The following FBLN5 variants were observed in gnomAD, a reference collection of about 807,000 sequenced individuals.
The protein encoded by FBLN5 is fibulin-5.
In FBLN5, 24 loss-of-function variants were observed where a neutral mutation model predicts 61.6. The ratio of observed to expected loss-of-function variants is 0.39; its 90% CI spans 0.28 to 0.55. The LOEUF (loss-of-function observed/expected upper bound fraction) is 0.55, where lower values mean the gene tolerates loss of function less well. Ranked by LOEUF, FBLN5 falls within the 20% of genes least tolerant of loss-of-function variation. FBLN5 has a pLI of 0.65. For missense variants in FBLN5, 470 were observed against 594.1 expected (o/e 0.79, Z 2.17); for synonymous variants, 213 against 219.8 (o/e 0.97, Z 0.27).
At chr14:91,946,859 C>G (rs2056193357) in intron 1 of FBLN5, 11 of 1,504,126 alleles carry the variant, frequency 7.3e-6, no homozygotes, top group Non-Finnish European at 9.7e-6. Context: ...TGCTAGTGAA[C>G]TAGTAATTGG....
intron 2 of FBLN5, among the ~76,000 whole-genome samples, chr14:91,942,345 G>C (rs74071641): frequency 0.014 from 2,110 of 152,328 alleles, 35 homozygotes; most frequent in South Asian, 0.046. Flanking sequence ...GGATGTTTGG[G>C]TAACACCCAC....
chr14:91,870,374 G>A lies in FBLN5; in HGVS notation c.1197C>T (p.Pro399=). Residue 399 remains proline, a synonymous_variant, in exon 11 of 11, where the codon CCC becomes CCT. Transcript: ENST00000342058. ...GTGTCATCACCAGGGTGGCACTGAT[G>A]GGGCCCGTTTGCTATGGACAGAACC... ...GREFYMRQTG[P]ISATLVMTRP... is the part of the protein sequence containing the mutation. The A allele has an allele frequency of 6.2e-7, 1 of 1,613,894 alleles. No homozygotes were observed. The highest frequency in any genetic ancestry group is 8.5e-7 in the Non-Finnish European group (1 of 1,180,032).
intron 4 of FBLN5, among the ~76,000 whole-genome samples, chr14:91,923,427 C>A (rs1566822045): frequency 1.3e-5 from 2 of 152,220 alleles, no homozygotes; most frequent in Non-Finnish European, 2.9e-5. Flanking sequence ...TGTGTCCATG[C>A]TGCAGCCACA....
intron 2 of FBLN5, among the ~76,000 whole-genome samples, chr14:91,941,727 A>G (rs2056107603): frequency 6.6e-6 from 1 of 152,112 alleles, no homozygotes; most frequent in Non-Finnish European, 1.5e-5. Context: ...TTCTCACTCT[A>G]GCCCCTACTC....
chr14:91,935,035 T>C (rs1346915199), intron 4 of FBLN5, among the ~76,000 whole-genome samples: 1 of 152,232 alleles, frequency 6.6e-6, no homozygotes, highest in Non-Finnish European at 1.5e-5. Context: ...TCAGGACTTA[T>C]GAATGCATAA....
At chr14:91,941,936 G>T (rs1377220149) in intron 2 of FBLN5, 2 of 346,460 alleles carry the variant, frequency 5.8e-6, no homozygotes, top group Non-Finnish European at 1.1e-5. Flanking sequence ...AAAACCGCAA[G>T]GTCTAAAATT....
Position 91,943,001 on chromosome 14 carries a change from A to G in FBLN5, c.18-40T>C. 2 of 1,374,566 alleles carry G rather than the reference A, an allele frequency of 1.5e-6. No individual in the cohort carries two copies. Among genetic ancestry groups the G allele is most frequent in the Non-Finnish European group, 2.0e-6 (2 of 984,302 alleles). The allele number at this position is 1,374,566 out of a possible 1,614,324, so 85.1% of individuals were successfully genotyped here. A position where few individuals can be genotyped will look rare whatever the true frequency, so the allele number is the denominator to read the frequency against. ...AGTCAAATATAAATGCCCAAGACAG[A>G]TTCAGGTCTAGGGGAGTGTGGGTCG... On this transcript the variant is annotated intron_variant, in intron 1 of 10. Coordinates refer to ENST00000342058, the MANE Select transcript of FBLN5 (RefSeq NM_006329.4). This position sits in a 1 kb window ranked among gnomAD's most constrained non-coding sequence, Gnocchi z 4.0.
chr14:91,877,439 A>C, intron 10 of FBLN5, 48 bp downstream of exon 10: 4 of 1,465,422 alleles, frequency 2.7e-6, no homozygotes, highest in Non-Finnish European at 3.8e-6. Context: ...GAGAGACAGC[A>C]CAAGGCCACT....
intron 5 of FBLN5, among the ~76,000 whole-genome samples, chr14:91,894,697 G>C (rs1890146682): frequency 1.3e-5 from 2 of 152,188 alleles, no homozygotes; most frequent in Non-Finnish European, 2.9e-5. Context: ...ACTCCAGCCT[G>C]GGGGACAGTA....
intron 5 of FBLN5, among the ~76,000 whole-genome samples, chr14:91,891,570 C>A (rs1889999411): frequency 6.6e-6 from 1 of 152,166 alleles, no homozygotes; most frequent in Non-Finnish European, 1.5e-5. Context: ...CCATAAATAC[C>A]TGAACCTATC....
chr14:91,933,042 C>T (rs2055953290), intron 4 of FBLN5, among the ~76,000 whole-genome samples: 1 of 152,144 alleles, frequency 6.6e-6, no homozygotes, highest in Admixed American at 6.5e-5. Context: ...GTAGGGACTC[C>T]AATAACTAAT....
At chr14:91,919,250 G>T (rs985808811) in intron 4 of FBLN5, among the ~76,000 whole-genome samples, 2 of 151,100 alleles carry the variant, frequency 1.3e-5, no homozygotes, top group Non-Finnish European at 2.9e-5. Context: ...AAAATGATGT[G>T]AACTTGGGAG....
intron 4 of FBLN5, among the ~76,000 whole-genome samples, chr14:91,922,171 T>G (rs560139995): frequency 1.5e-3 from 222 of 152,058 alleles, no homozygotes; most frequent in African/African-American, 5.2e-3. Context: ...CAGGTGCCTG[T>G]AATCCCAGTT....
intron 4 of FBLN5, among the ~76,000 whole-genome samples, chr14:91,910,474 C>T (rs569964500): frequency 7.9e-5 from 12 of 152,276 alleles, no homozygotes; most frequent in South Asian, 2.1e-4. Flanking sequence ...CACACTACCG[C>T]GCTGTGCACT....
intron 6 of FBLN5, among the ~76,000 whole-genome samples, chr14:91,889,922 G>A (rs558199949): frequency 3.3e-5 from 5 of 152,352 alleles, no homozygotes; most frequent in Admixed American, 2.6e-4. Flanking sequence ...CTATGCCTCA[G>A]GAGGTACTGG....
At chr14:91,925,623 T>G (rs1252060328) in intron 4 of FBLN5, among the ~76,000 whole-genome samples, 6 of 152,166 alleles carry the variant, frequency 3.9e-5, no homozygotes, top group Non-Finnish European at 1.5e-5. Context: ...AAAACAAAGC[T>G]GTGGCTTCAA....
Position 91,940,607 on chromosome 14 carries a change from T to G in FBLN5, c.82A>C (p.Thr28Pro), listed in dbSNP as rs1174828487. The change falls in exon 3 of 11, where the codon ACG becomes CCG. Residue 28 changes from threonine (T) to proline (P), a missense_variant. Coordinates refer to ENST00000342058, the MANE Select transcript of FBLN5 (RefSeq NM_006329.4). ...PSPGNAQAQC[T>P]NGFDLDRQSG... ...TGGCGATCCAGGTCAAAGCCATTCG[T>G]GCACTGTGCCTGCAGGGAAGGAGAG... 1.9e-6 allele frequency: 3 copies of G among 1,614,070 alleles called. No homozygotes were observed. Among genetic ancestry groups the G allele is most frequent in the Non-Finnish European group, 2.5e-6 (3 of 1,179,952 alleles).
chr14:91,871,240 G>T (rs1423954955), intron 10 of FBLN5, among the ~76,000 whole-genome samples: 1 of 103,998 alleles, frequency 9.6e-6, no homozygotes, highest in Non-Finnish European at 2.2e-5. Flanking sequence ...AAAAAAAAAG[G>T]CATCAAAGGC....
At chr14:91,898,628 G>C (rs1025691884) in intron 4 of FBLN5, among the ~76,000 whole-genome samples, 15 of 152,156 alleles carry the variant, frequency 9.9e-5, no homozygotes, top group African/African-American at 3.6e-4. Context: ...CGCATCAGTG[G>C]AAAAGTACAA....
Sources: gnomAD v4.1 joint callset for allele counts (sites outside exome capture counted in the v4.1 genomes callset) on GRCh38, gnomAD v4.1.1 for gene constraint, Gnocchi (gnomAD v3.1) non-coding constraint, MANE v1.5 for transcripts, NCBI Gene and HGNC (gene_info 2026-07-23, HGNC 2026-07-21) for gene names.